The following CNOT1 variants were observed in gnomAD, a reference collection of about 807,000 sequenced individuals.
The protein encoded by CNOT1 is CCR4-NOT transcription complex subunit 1.
A neutral mutation model predicts 273.8 loss-of-function variants in CNOT1; 15 were observed. That is an observed-to-expected ratio of 0.05 (90% CI 0.04 to 0.08). CNOT1 has a LOEUF of 0.08. Among genes scored for constraint, CNOT1 ranks in the 10% least tolerant of loss-of-function variants. The pLI is 1.00. For missense variants in CNOT1, 1,644 were observed against 2,912.2 expected, an observed-to-expected ratio of 0.56 and a Z score of 10.02; for synonymous variants, 1,022 against 1,005.5, an observed-to-expected ratio of 1.02 and a Z score of -0.31.
chr16:58,578,304 A>C lies in CNOT1; in HGVS notation c.1584+395T>G, dbSNP rs577751421. Reference sequence around the variant, plus strand: ...TCCCACTTCTATTAAGAATACAAAAATTAGCTGTGCATGGTGATGCACGCC... The same window carrying C: ...TCCCACTTCTATTAAGAATACAAAACTTAGCTGTGCATGGTGATGCACGCC... On this transcript the variant is annotated intron_variant, in intron 13 of 48. Transcript: ENST00000317147. Among the ~76,000 whole-genome samples, 3 of 152,160 alleles carry C rather than the reference A, an allele frequency of 2.0e-5. No homozygotes were observed. In the South Asian group the frequency reaches 6.2e-4, roughly 32 times the overall value.
Position 58,595,072 on chromosome 16 carries a change from C to T in CNOT1, c.102+4164G>A, listed in dbSNP as rs377565080. On this transcript the variant is annotated intron_variant, in intron 2 of 48. Transcript: ENST00000317147. ...GAGGTTACAGTGAGCCGAGATCACG[C>T]CACTGCACTCTAGCCTGGGTGACAG... Among the ~76,000 whole-genome samples, 17 of 151,772 alleles carry T rather than the reference C, an allele frequency of 1.1e-4. No homozygotes were observed. In the East Asian group the frequency reaches 2.5e-3, roughly 23 times the overall value.
In CNOT1 at chr16:58,614,101, AAAAAAG is replaced by A. The variant is rs1400341838; in HGVS notation, c.-174-14596_-174-14591del. Among the ~76,000 whole-genome samples, 63 of 121,032 alleles carry A rather than the reference AAAAAAG, an allele frequency of 5.2e-4. 11 individuals carry two copies. Among genetic ancestry groups the A allele is most frequent in the African/African-American group, 1.4e-3 (49 of 35,864 alleles). 79.4% of individuals were successfully genotyped at this position (121,032 alleles called of 152,430 possible). ...GGCGAGACACTGTCTCAAAAAAAAA[AAAAAAG>A]AAAAGAAAATTACTCTCAAAACCAA... On this transcript the variant is annotated intron_variant, in intron 1 of 48. Coordinates refer to ENST00000317147, the MANE Select transcript of CNOT1 (RefSeq NM_016284.5).
intron 6 of CNOT1, 63 bp downstream of exon 6, chr16:58,587,138 A>C: frequency 6.4e-7 from 1 of 1,569,144 alleles, no homozygotes; most frequent in Non-Finnish European, 8.6e-7. Context: ...ACAGAGCCTC[A>C]TGATTAAAAA....
chr16:58,602,563 A>AC lies in CNOT1; in HGVS notation c.-174-3053_-174-3052insG, dbSNP rs1482818338. 7.4e-4 allele frequency among the ~76,000 whole-genome samples: 95 copies of AC among 128,358 alleles called. 2 individuals are homozygous for AC. The highest frequency in any genetic ancestry group is 2.0e-3 in the African/African-American group (75 of 38,292). The allele number at this position is 128,358 out of a possible 152,430, so 84.2% of individuals were successfully genotyped here. A position where few individuals can be genotyped will look rare whatever the true frequency, so the allele number is the denominator to read the frequency against. ...GCAAGACTCTGTCTCCAAAAAAAAA[A>AC]AAAAAAAAAAAAAACCCATCCATAA... On this transcript the variant is annotated intron_variant, in intron 1 of 48. Transcript: ENST00000317147.
intron 47 of CNOT1, 147 bp from the exon 48 acceptor site, chr16:58,521,464 C>A: frequency 1.4e-6 from 1 of 733,732 alleles, no homozygotes; most frequent in Non-Finnish European, 2.2e-6. Context: ...GATTAATATA[C>A]TCCAAATAGC....
In CNOT1 at chr16:58,597,375, T is replaced by C. The variant is rs375634874; in HGVS notation, c.102+1861A>G. On this transcript the variant is annotated intron_variant, in intron 2 of 48. Coordinates refer to ENST00000317147, the MANE Select transcript of CNOT1 (RefSeq NM_016284.5). ...CTGTAATCCCAGCTACTCGGGAGGC[T>C]GAGATAGGAAGATTGCTTGAACCCA... is the stretch of plus-strand genomic sequence containing the variant. Among the ~76,000 whole-genome samples, 405 of 151,784 alleles carry C rather than the reference T, an allele frequency of 2.7e-3. 2 individuals carry two copies. The highest frequency in any genetic ancestry group is 9.2e-3 in the African/African-American group (381 of 41,360).
In CNOT1 at chr16:58,543,608, C is replaced by T. The variant is rs757123511; in HGVS notation, c.4433G>A (p.Arg1478His). ...ATACCAAGGAAATAGCCAACTTACA[C>T]GAAGGGCTGAGGCAAAACTGTTTTT... The part of the protein sequence containing the change: ...NLKNSFASAL[R>H]TASPQQREMM... The change falls in exon 31 of 49, where the codon CGT becomes CAT. Residue 1478 changes from arginine (R) to histidine (H), a missense_variant and splice_region_variant. Transcript: ENST00000317147. 3.1e-6 allele frequency: 5 copies of T among 1,614,000 alleles called. No individual in the cohort carries two copies. Among genetic ancestry groups the T allele is most frequent in the Non-Finnish European group, 1.7e-6 (2 of 1,180,038 alleles).
At chr16:58,535,858 C>A (rs1017483909) in intron 39 of CNOT1, among the ~76,000 whole-genome samples, 2 of 151,888 alleles carry the variant, frequency 1.3e-5, no homozygotes, top group Admixed American at 1.3e-4. Flanking sequence ...CTCAGCCTCC[C>A]GAGTAGCTGG....
intron 1 of CNOT1, among the ~76,000 whole-genome samples, chr16:58,609,299 G>T (rs1597590447): frequency 6.6e-6 from 1 of 151,842 alleles, no homozygotes; most frequent in East Asian, 1.9e-4. Flanking sequence ...TTGAACCTGG[G>T]AGGCGGAGGT....
chr16:58,622,347 GGGGC>G (rs201026313), intron 1 of CNOT1, among the ~76,000 whole-genome samples: 6 of 44,548 alleles, frequency 1.3e-4, no homozygotes, highest in African/African-American at 2.8e-4. Context: ...GGGGGGGGGG[GGGGC>G]GGGCGTGGAC....
At chr16:58,557,834 C>T (rs1469711691) in intron 18 of CNOT1, among the ~76,000 whole-genome samples, 1 of 151,898 alleles carries the variant, frequency 6.6e-6, no homozygotes, top group Non-Finnish European at 1.5e-5. Flanking sequence ...ACTAAAAATA[C>T]AAAAAATTAG....
chr16:58,578,823 G>C lies in CNOT1; in HGVS notation c.1460C>G (p.Ala487Gly). 6.2e-7 allele frequency: 1 copy of C among 1,614,136 alleles called. No individual in the cohort carries two copies. The highest frequency in any genetic ancestry group is 8.5e-7 in the Non-Finnish European group (1 of 1,180,024). Residue 487 changes from alanine (A) to glycine (G), a missense_variant, in exon 13 of 49, where the codon GCC becomes GGC. Around this residue, in one of 13 missense-constraint regions of CNOT1, gnomAD observed 706 missense variants for 1,021.2 expected, o/e 0.69. Coordinates refer to ENST00000317147, the MANE Select transcript of CNOT1 (RefSeq NM_016284.5). ...IKHCPDMLVL[A>G]LLQINTSWHT... ...CCAAGAGGTGTTAATTTGTAGTAAG[G>C]CCAATACCAGCATGTCTGGACAGTG... is the stretch of plus-strand genomic sequence containing the variant.
chr16:58,567,714 T>C (rs1597474703), intron 16 of CNOT1, among the ~76,000 whole-genome samples: 1 of 152,300 alleles, frequency 6.6e-6, no homozygotes, highest in Admixed American at 6.5e-5. Flanking sequence ...TTCAAGAGAC[T>C]ATCAAGTTTT....
intron 43 of CNOT1, among the ~76,000 whole-genome samples, chr16:58,529,708 G>A (rs2039710930): frequency 6.6e-6 from 1 of 151,828 alleles, no homozygotes; most frequent in Non-Finnish European, 1.5e-5. Context: ...AGGCATGGTG[G>A]CACATGCCTG....
At chr16:58,603,407 AAGTGTGTGTGTG>A (rs780130671) in intron 1 of CNOT1, among the ~76,000 whole-genome samples, 1,353 of 126,362 alleles carry the variant, frequency 0.011, 14 homozygotes, top group Non-Finnish European at 0.014. Flanking sequence ...TACAATTTAA[AAGTGTGTGTGTG>A]TGTGTGTGTG....
intron 2 of CNOT1, among the ~76,000 whole-genome samples, chr16:58,591,613 A>G (rs2042055986): frequency 6.6e-6 from 1 of 151,968 alleles, no homozygotes; most frequent in Non-Finnish European, 1.5e-5. Flanking sequence ...AATTAGCCGG[A>G]CGTGGCGGCA....
rs377194842 is a variant in CNOT1 at position 58,585,475 on chromosome 16, G to A, written c.669C>T (p.Leu223=). 131 of 1,613,314 alleles carry A rather than the reference G, an allele frequency of 8.1e-5. No homozygotes were observed. The highest frequency in any genetic ancestry group is 2.7e-4 in the African/African-American group (20 of 75,006). Residue 223 remains leucine, a synonymous_variant, in exon 8 of 49, where the codon CTC becomes CTT. Coordinates refer to ENST00000317147, the MANE Select transcript of CNOT1 (RefSeq NM_016284.5). ...DFPQERCPVV[L]APLLYPEKRD... ...GTTTTTCAGGGTATAAAAGTGGTGC[G>A]AGCACCACGGGACAGCGTTCTTGGG...
At chr16:58,532,193 C>T (rs752837890) in intron 41 of CNOT1, 39 bp downstream of exon 41, 1 of 1,608,016 alleles carries the variant, frequency 6.2e-7, no homozygotes, top group African/African-American at 1.3e-5. Context: ...TACATTAATC[C>T]AGCAAACCTT....
chr16:58,581,915 G>A (rs758982760), intron 10 of CNOT1, among the ~76,000 whole-genome samples: 3 of 151,796 alleles, frequency 2.0e-5, no homozygotes, highest in East Asian at 3.9e-4. Flanking sequence ...CACCTGCCTC[G>A]GCCTCCCAAA....
Sources: allele counts gnomAD v4.1 joint callset (sites outside exome capture counted in the v4.1 genomes callset), GRCh38; gene constraint gnomAD v4.1.1; regional missense constraint gnomAD v4.1.1; transcripts MANE v1.5; gene names NCBI Gene and HGNC (gene_info 2026-07-23, HGNC 2026-07-21).